The following ANKRD36C variants were observed in gnomAD, a reference collection of about 807,000 sequenced individuals.
The protein encoded by ANKRD36C is ankyrin repeat domain-containing protein 36C.
In ANKRD36C, 61 loss-of-function variants were observed where a neutral mutation model predicts 276.4. The observed-to-expected ratio is 0.22, with a 90% CI of 0.18 to 0.27. ANKRD36C has a LOEUF of 0.27. ANKRD36C is among the 10% of genes least tolerant of loss of function. ANKRD36C has a pLI of 1.00. For synonymous variants in ANKRD36C, 483 were observed against 680.1 expected, an observed-to-expected ratio of 0.71 and a Z score of 4.51; for missense variants, 1,447 against 2,032.3, an observed-to-expected ratio of 0.71 and a Z score of 5.54.
At position 95,865,656 on chromosome 2, in the gene ANKRD36C, C is replaced by T. The variant is rs2950734; in HGVS notation, c.3682+1784G>A. Among the ~76,000 whole-genome samples the T allele has an allele frequency of 8.5e-5, 13 of 152,154 alleles. 1 individual carries two copies. The highest frequency in any genetic ancestry group is 5.9e-4 in the Admixed American group (9 of 15,270). On this transcript the variant is annotated intron_variant, in intron 60 of 66. Transcript: ENST00000456556. The stretch of plus-strand genomic sequence containing the variant: ...CACAAAGACTGAAGGTAATTTTAAA[C>T]AATACTTTTAATAATTTGGGGCATG...
intron 42 of ANKRD36C, among the ~76,000 whole-genome samples, chr2:95,903,753 ATAT>A (rs1384380987): frequency 1.4e-5 from 2 of 145,926 alleles, no homozygotes; most frequent in Non-Finnish European, 3.0e-5. Context: ...ACAAAGGATA[ATAT>A]ATTAGCCTCA....
At chr2:95,870,995 T>G (rs1333970127) in intron 59 of ANKRD36C, among the ~76,000 whole-genome samples, 1 of 151,992 alleles carries the variant, frequency 6.6e-6, no homozygotes, top group Non-Finnish European at 1.5e-5. Flanking sequence ...AAACAAAGCC[T>G]CCAAGAAATA....
intron 6 of ANKRD36C, among the ~76,000 whole-genome samples, chr2:95,970,509 A>T (rs985186810): frequency 6.6e-6 from 1 of 152,142 alleles, no homozygotes; most frequent in Non-Finnish European, 1.5e-5. Flanking sequence ...AAGGAACCAT[A>T]AACTCACTGG....
chr2:95,882,322 C>A, exon 56 of ANKRD36C: 1 of 1,551,772 alleles, frequency 6.4e-7, no homozygotes, highest in Non-Finnish European at 8.7e-7. Context: ...TTTCCAACCG[C>A]CCGTTATTCT....
intron 59 of ANKRD36C, among the ~76,000 whole-genome samples, chr2:95,868,181 GT>G (rs1349652594): frequency 3.3e-5 from 5 of 152,010 alleles, no homozygotes; most frequent in African/African-American, 1.2e-4. Flanking sequence ...TCTAATTCAA[GT>G]TTTATGCTTT....
chr2:95,918,037 A>C (rs1207420639), exon 35 of ANKRD36C: 1 of 1,600,656 alleles, frequency 6.2e-7, no homozygotes, highest in Non-Finnish European at 8.5e-7. Context: ...TGTTTCTGAG[A>C]AGACACTGAA....
chr2:95,950,710 T>C, intron 16 of ANKRD36C, 39 bp downstream of exon 16: 1 of 1,531,768 alleles, frequency 6.5e-7, no homozygotes, highest in Non-Finnish European at 8.8e-7. Flanking sequence ...GCTATTCACT[T>C]AGTTAACATA....
chr2:95,872,726 G>C (rs1558622388), intron 59 of ANKRD36C, among the ~76,000 whole-genome samples: 1 of 151,990 alleles, frequency 6.6e-6, no homozygotes, highest in Non-Finnish European at 1.5e-5. Flanking sequence ...ATGAATCCAG[G>C]AGCTGGTTTT....
chr2:95,851,602 C>T (rs78441917), intron 66 of ANKRD36C, 92 bp downstream of exon 86: 9 of 1,091,306 alleles, frequency 8.2e-6, no homozygotes, highest in South Asian at 7.2e-5. Context: ...CTACTTTTGG[C>T]CCCAAGCATT....
At chr2:95,890,186 T>G (rs771812233) in intron 46 of ANKRD36C, among the ~76,000 whole-genome samples, 192 bp from the exon 67 acceptor site, 9 of 151,422 alleles carry the variant, frequency 5.9e-5, no homozygotes, top group Non-Finnish European at 1.2e-4. Context: ...CTCCATGAAA[T>G]ATATCCTTAC....
intron 19 of ANKRD36C, among the ~76,000 whole-genome samples, chr2:95,944,188 C>T (rs372795382): frequency 6.6e-6 from 1 of 151,498 alleles, no homozygotes; most frequent in Non-Finnish European, 1.5e-5. Flanking sequence ...AAATTCACCG[C>T]TTTTGAGGTG....
rs1185123018 is a variant in ANKRD36C at position 95,864,387 on chromosome 2, A to G, written c.3682+3053T>C. On this transcript the variant is annotated intron_variant, in intron 60 of 66. Transcript: ENST00000456556. ...TCAAAGAAGAAACACTCTCAGTAAC[A>G]TAAGAATCCAAGGGAAGTTCTTCAG... Among the ~76,000 whole-genome samples the G allele has an allele frequency of 5.9e-5, 9 of 151,882 alleles. No homozygotes were observed. In the East Asian group the frequency reaches 9.7e-4, roughly 16 times the overall value.
intron 6 of ANKRD36C, among the ~76,000 whole-genome samples, chr2:95,973,939 G>A (rs1365843867): frequency 2.0e-5 from 3 of 151,888 alleles, no homozygotes; most frequent in Non-Finnish European, 4.4e-5. Flanking sequence ...CAGTATCAGC[G>A]ACTTAGGAGG....
At chr2:95,941,561 A>G (rs1329202795) in intron 19 of ANKRD36C, among the ~76,000 whole-genome samples, 3 of 152,184 alleles carry the variant, frequency 2.0e-5, no homozygotes, top group Admixed American at 6.5e-5. Context: ...TAGTGAGGGC[A>G]GCATGTGCAA....
intron 24 of ANKRD36C, among the ~76,000 whole-genome samples, chr2:95,930,395 C>T (rs957537612): frequency 6.6e-6 from 1 of 151,444 alleles, no homozygotes. Flanking sequence ...ATTCTAAATG[C>T]ATCTGAAGTG....
At chr2:95,926,407 G>A (rs376304142) in intron 28 of ANKRD36C, among the ~76,000 whole-genome samples, 1 of 151,462 alleles carries the variant, frequency 6.6e-6, no homozygotes, top group Non-Finnish European at 1.5e-5. Context: ...AAATAGTCTG[G>A]CATAAAATAT....
At chr2:95,947,097 A>T (rs1473708763) in intron 17 of ANKRD36C, among the ~76,000 whole-genome samples, 1 of 152,130 alleles carries the variant, frequency 6.6e-6, no homozygotes, top group African/African-American at 2.4e-5. Flanking sequence ...ATTTAATAGA[A>T]CATGGTTGGG....
chr2:95,960,748 A>G (rs533407277), intron 8 of ANKRD36C, 81 bp from the exon 9 acceptor site: 63 of 639,928 alleles, frequency 9.8e-5, no homozygotes, highest in Non-Finnish European at 1.1e-4. Flanking sequence ...GTTACCATCA[A>G]GCTGTATCCT....
chr2:95,896,624 T>C (rs1318502816), intron 44 of ANKRD36C, among the ~76,000 whole-genome samples: 2 of 144,198 alleles, frequency 1.4e-5, no homozygotes, highest in Non-Finnish European at 3.1e-5. Flanking sequence ...GAGTAATGAG[T>C]CAGTGTGGTG....
Sources: allele counts gnomAD v4.1 joint callset (sites outside exome capture counted in the v4.1 genomes callset), GRCh38; gene constraint gnomAD v4.1.1; transcripts MANE v1.5; gene names NCBI Gene and HGNC (gene_info 2026-07-23, HGNC 2026-07-21).